C15orf61: variants seen among roughly 807,000 people sequenced by gnomAD.
The protein encoded by C15orf61 is chromosome 15 open reading frame 61.
A neutral mutation model predicts 13.7 loss-of-function variants in C15orf61; 12 were observed. The observed-to-expected ratio is 0.88, with a 90% CI of 0.56 to 1.42. The LOEUF (loss-of-function observed/expected upper bound fraction) is 1.42, where lower values mean the gene tolerates loss of function less well. C15orf61 is among the 40% of genes most tolerant of loss of function. The pLI is 0.00. For missense variants in C15orf61, 248 were observed against 213.2 expected, an observed-to-expected ratio of 1.16 and a Z score of -1.02; for synonymous variants, 92 against 94.1, an observed-to-expected ratio of 0.98 and a Z score of 0.13.
rs2084195882 is a variant in C15orf61, at chr15:67,525,865, T to G, written c.347-553T>G. Among the ~76,000 whole-genome samples the G allele has an allele frequency of 6.6e-6, 1 of 152,018 alleles. No individual in the cohort carries two copies. On this transcript the variant is annotated intron_variant, in intron 1 of 1. Transcript: ENST00000342683. The surrounding 1 kb of genome is among the most constrained non-coding windows in gnomAD (Gnocchi z 4.9). Reference sequence around the variant, plus strand: ...CATCTCTACTAAAAAAGTACAAAAATTATCTGAGCGTGGTGGCGCGCGCCT... The same window carrying G: ...CATCTCTACTAAAAAAGTACAAAAAGTATCTGAGCGTGGTGGCGCGCGCCT...
chr15:67,526,426 A>G lies in C15orf61; in HGVS notation c.355A>G (p.Thr119Ala). ...ATTCGTTTGTTTTCTAGGTATTCCAACTTTATTATATGGACTTGGCTCCTG... is the reference window on the plus strand; with the variant it reads ...ATTCGTTTGTTTTCTAGGTATTCCAGCTTTATTATATGGACTTGGCTCCTG... ...ALKVVNLGIP[T>A]LLYGLGSWLF... The change falls in exon 2 of 2, where the codon ACT becomes GCT. Residue 119 changes from threonine (T) to alanine (A), a missense_variant. Thr to Ala is a moderately conservative substitution (Grantham distance 58). Coordinates refer to ENST00000342683, the MANE Select transcript of C15orf61 (RefSeq NM_001143936.2). 1 of 1,525,502 alleles carries G rather than the reference A, an allele frequency of 6.6e-7. No homozygotes were observed. The highest frequency in any genetic ancestry group is 8.9e-7 in the Non-Finnish European group (1 of 1,126,146). 94.5% of individuals were successfully genotyped at this position (1,525,502 alleles called of 1,614,324 possible).
intron 1 of C15orf61, 101 bp from the exon 2 acceptor site, chr15:67,526,317 C>T (rs1408546817): frequency 4.5e-6 from 3 of 671,650 alleles, no homozygotes; most frequent in Non-Finnish European, 6.9e-6. Context: ...TATATTTTAT[C>T]ACATTGTAAT....
Position 67,527,589 on chromosome 15 carries a change from A to G in C15orf61, c.*1044A>G, listed in dbSNP as rs1393451231. ...TCTCCCATAATTACAAACATACATTATATATCATTTTATGTTAATGTGTTG... is the reference window on the plus strand; with the variant it reads ...TCTCCCATAATTACAAACATACATTGTATATCATTTTATGTTAATGTGTTG... On this transcript the variant is annotated 3_prime_UTR_variant, in exon 2 of 2. Transcript: ENST00000342683. The G allele has an allele frequency of 6.6e-6, 1 of 152,212 alleles. No individual in the cohort carries two copies. The highest frequency in any genetic ancestry group is 2.4e-5 in the African/African-American group (1 of 41,462). The allele number at this position is 152,212 out of a possible 1,614,324, so 9.4% of individuals were successfully genotyped here.
At chr15:67,522,032 A>C in intron 1 of C15orf61, 1 of 699,898 alleles carries the variant, frequency 1.4e-6, no homozygotes, top group East Asian at 2.7e-5. Flanking sequence ...TACTCTTTTA[A>C]GTTTCTTTTG....
intron 1 of C15orf61, chr15:67,521,860 A>C: frequency 1.6e-6 from 1 of 621,276 alleles, no homozygotes; most frequent in Non-Finnish European, 2.8e-6. Context: ...TGTCCTGCCC[A>C]TGTTAACCAG....
rs950865913 is a variant in C15orf61 at position 67,525,458 on chromosome 15, C to T, written c.347-960C>T. ...TCATGTATCACAAATGGCAACTAATCTCAAAGCAGCAAAATCTTATCAATT... is the reference window on the plus strand; with the variant it reads ...TCATGTATCACAAATGGCAACTAATTTCAAAGCAGCAAAATCTTATCAATT... On this transcript the variant is annotated intron_variant, in intron 1 of 1. Coordinates refer to ENST00000342683, the MANE Select transcript of C15orf61 (RefSeq NM_001143936.2). The surrounding 1 kb of genome is among the most constrained non-coding windows in gnomAD (Gnocchi z 4.9). 2.6e-5 allele frequency among the ~76,000 whole-genome samples: 4 copies of T among 152,180 alleles called. No individual in the cohort carries two copies. The highest frequency in any genetic ancestry group is 7.2e-5 in the African/African-American group (3 of 41,442).
At chr15:67,522,346 T>C in intron 1 of C15orf61, 1 of 658,938 alleles carries the variant, frequency 1.5e-6, no homozygotes, top group Non-Finnish European at 2.7e-6. Context: ...AATCTAGATT[T>C]CAGTGATTCA....
intron 1 of C15orf61, chr15:67,522,183 T>A (rs780768729): frequency 1.4e-6 from 1 of 702,090 alleles, no homozygotes; most frequent in South Asian, 1.5e-5. Flanking sequence ...GGAGACGCCC[T>A]GAGGATGTTT....
In C15orf61 at chr15:67,526,525, G is replaced by A; in HGVS notation, c.454G>A (p.Asp152Asn). The change falls in exon 2 of 2, where the codon GAT becomes AAT. Residue 152 changes from aspartate to asparagine, a missense_variant. Transcript: ENST00000342683. ...PITVYFLNKEDEGAMY is the reference protein window; with the variant it reads ...PITVYFLNKENEGAMY ...AACAGTTTATTTTCTCAATAAAGAA[G>A]ATGAAGGTGCCATGTATTGAAAGTG... The A allele has an allele frequency of 6.5e-7, 1 of 1,536,840 alleles. No homozygotes were observed. Among genetic ancestry groups the A allele is most frequent in the Non-Finnish European group, 8.8e-7 (1 of 1,139,686 alleles).
rs1381184681 is a variant in C15orf61, at chr15:67,525,377, A to G, written c.347-1041A>G. ...AATTGTGAAAGTTTGTTTTGTGCCA[A>G]CAGTCTTATATGCATGTGAGTGCTT... On this transcript the variant is annotated intron_variant, in intron 1 of 1. Coordinates refer to ENST00000342683, the MANE Select transcript of C15orf61 (RefSeq NM_001143936.2). The surrounding 1 kb of genome is among the most constrained non-coding windows in gnomAD (Gnocchi z 4.9). Among the ~76,000 whole-genome samples, 1 of 152,226 alleles carries G rather than the reference A, an allele frequency of 6.6e-6. No individual in the cohort carries two copies. Among genetic ancestry groups the G allele is most frequent in the African/African-American group, 2.4e-5 (1 of 41,462 alleles).
At position 67,521,177 on chromosome 15, in the gene C15orf61, G is replaced by A. The variant is rs1171939670; in HGVS notation, c.-72G>A. 35 of 1,065,630 alleles carry A rather than the reference G, an allele frequency of 3.3e-5. No individual in the cohort carries two copies. Among genetic ancestry groups the A allele is most frequent in the Non-Finnish European group, 3.4e-5 (29 of 854,596 alleles). The allele number at this position is 1,065,630 out of a possible 1,614,324, so 66.0% of individuals were successfully genotyped here. On this transcript the variant is annotated 5_prime_UTR_variant, in exon 1 of 2. Transcript: ENST00000342683. ...CCGCGCGGCGCCGGTTGGCCTTCCC[G>A]GCGCTCGCCCGGGGGCGCGCTTGCG...
Position 67,521,754 on chromosome 15 carries a change from C to T in C15orf61, c.346+160C>T, listed in dbSNP as rs528864905. 7.6e-4 allele frequency: 580 copies of T among 759,048 alleles called. 1 individual carries two copies. The highest frequency in any genetic ancestry group is 6.0e-3 in the Middle Eastern group (16 of 2,686). The allele number at this position is 759,048 out of a possible 1,614,324, so 47.0% of individuals were successfully genotyped here. A position where few individuals can be genotyped will look rare whatever the true frequency, so the allele number is the denominator to read the frequency against. ...CGCCTGGGGTCCTTTGTACTCCTCG[C>T]CCAGGGGGTCCCCAGCTTGCTGAGC... On this transcript the variant is annotated intron_variant, in intron 1 of 1. Transcript: ENST00000342683.
At chr15:67,524,173 A>G (rs1007828222) in intron 1 of C15orf61, among the ~76,000 whole-genome samples, 7 of 152,146 alleles carry the variant, frequency 4.6e-5, no homozygotes, top group African/African-American at 1.7e-4. Context: ...TAAGAGGCCT[A>G]TTTTATGTAT....
Position 67,525,113 on chromosome 15 carries a change from G to T in C15orf61, c.347-1305G>T, listed in dbSNP as rs1245528276. Among the ~76,000 whole-genome samples, 1 of 152,218 alleles carries T rather than the reference G, an allele frequency of 6.6e-6. No homozygotes were observed. The highest frequency in any genetic ancestry group is 2.4e-5 in the African/African-American group (1 of 41,460). ...GGCCTCCCAAAGTGCTGGGATTACAGGCGTGAGCCACAGTGCCCAGCCGCG... is the reference window on the plus strand; with the variant it reads ...GGCCTCCCAAAGTGCTGGGATTACATGCGTGAGCCACAGTGCCCAGCCGCG... On this transcript the variant is annotated intron_variant, in intron 1 of 1. Coordinates refer to ENST00000342683, the MANE Select transcript of C15orf61 (RefSeq NM_001143936.2). The surrounding 1 kb of genome is among the most constrained non-coding windows in gnomAD (Gnocchi z 4.9).
At position 67,521,383 on chromosome 15, in the gene C15orf61, G is replaced by C; in HGVS notation, c.135G>C (p.Leu45=). ...CGCGGCATCTGCTGCAGCGGCGCCT[G>C]CCGCACTGGACCTCCTTCTGCGTGC... ...VLTRHLLQRR[L]PHWTSFCVPY... The change falls in exon 1 of 2, where the codon CTG becomes CTC. Residue 45 remains leucine (L), a synonymous_variant. Transcript: ENST00000342683. 2 of 1,540,398 alleles carry C rather than the reference G, an allele frequency of 1.3e-6. No individual in the cohort carries two copies. The highest frequency in any genetic ancestry group is 4.9e-5 in the East Asian group (2 of 40,884).
In C15orf61 at chr15:67,521,513, A is replaced by G; in HGVS notation, c.265A>G (p.Lys89Glu). The G allele has an allele frequency of 1.3e-6, 2 of 1,548,364 alleles. No homozygotes were observed. The highest frequency in any genetic ancestry group is 1.7e-6 in the Non-Finnish European group (2 of 1,146,672). The change falls in exon 1 of 2, where the codon AAG becomes GAG. Residue 89 changes from lysine (K) to glutamate (E), a missense_variant. Coordinates refer to ENST00000342683, the MANE Select transcript of C15orf61 (RefSeq NM_001143936.2). ...GCGCACCGGCTGCTTCCCCTTCATC[A>G]AGTACCACTGCTCCAAGGCTCCCTG... Reference protein sequence around the residue: ...VLRTGCFPFIKYHCSKAPWQD... With the variant: ...VLRTGCFPFIEYHCSKAPWQD...
chr15:67,521,918 C>T (rs915412757), intron 1 of C15orf61: 1 of 675,594 alleles, frequency 1.5e-6, no homozygotes, highest in Non-Finnish European at 2.7e-6. Context: ...CAGGAAACGC[C>T]CCCTAGAAAG....
intron 1 of C15orf61, 86 bp downstream of exon 1, chr15:67,521,680 A>G: frequency 1.6e-6 from 2 of 1,268,190 alleles, no homozygotes; most frequent in South Asian, 1.5e-5. Context: ...GAACGCTCGC[A>G]GGCCGGTAGA....
rs1178179782 is a variant in C15orf61, at chr15:67,525,743, G to A, written c.347-675G>A. On this transcript the variant is annotated intron_variant, in intron 1 of 1. Transcript: ENST00000342683. This position sits in a 1 kb window ranked among gnomAD's most constrained non-coding sequence, Gnocchi z 4.9. ...AAGAACAGTAATGTTGGCCGGGCGC[G>A]GTGGCTCACACCTGTAATCCCAGCA... 6.6e-6 allele frequency among the ~76,000 whole-genome samples: 1 copy of A among 152,236 alleles called. No homozygotes were observed. The highest frequency in any genetic ancestry group is 1.9e-4 in the East Asian group (1 of 5,182).
Sources: allele counts gnomAD v4.1 joint callset (sites outside exome capture counted in the v4.1 genomes callset), GRCh38; gene constraint gnomAD v4.1.1; non-coding constraint Gnocchi (gnomAD v3.1); transcripts MANE v1.5; gene names NCBI Gene and HGNC (gene_info 2026-07-23, HGNC 2026-07-21).